Variants in PDE1C observed in about 807,000 individuals in gnomAD.
PDE1C encodes phosphodiesterase 1C, also known as dual specificity calcium/calmodulin-dependent 3',5'-cyclic nucleotide phosphodiesterase 1C.
Under a neutral mutation model 93.1 loss-of-function variants are expected in PDE1C, and 62 were observed. The observed-to-expected ratio is 0.67, with a 90% CI of 0.54 to 0.82. The LOEUF (loss-of-function observed/expected upper bound fraction) is 0.82. PDE1C is among the 40% of genes least tolerant of loss of function. The pLI is 0.00. For missense variants in PDE1C, 742 were observed against 884.6 expected (o/e 0.84, Z 2.04); for synonymous variants, 325 against 310.1 (o/e 1.05, Z -0.50).
At chr7:32,055,696 T>C (rs1584627880) in intron 1 of PDE1C, among the ~76,000 whole-genome samples, 1 of 152,214 alleles carries the variant, frequency 6.6e-6, no homozygotes, top group African/African-American at 2.4e-5. Context: ...TGACTCGCAA[T>C]CTGAAAGACA....
chr7:32,285,363 G>A (rs1282443742), intron 1 of PDE1C, among the ~76,000 whole-genome samples: 2 of 152,128 alleles, frequency 1.3e-5, no homozygotes, highest in East Asian at 3.9e-4. Flanking sequence ...ACCTACCCAA[G>A]AGACTTAAAA....
the PDE1C span, among the ~76,000 whole-genome samples, chr7:31,618,644 T>C: frequency 2.1e-5 from 3 of 140,266 alleles, 1 homozygote; most frequent in South Asian, 6.5e-4. Context: ...GGGGTCACAA[T>C]GTAGAAACCC....
intron 2 of PDE1C, among the ~76,000 whole-genome samples, chr7:31,974,897 T>C (rs1270037831): frequency 2.0e-5 from 3 of 152,246 alleles, no homozygotes; most frequent in African/African-American, 7.2e-5. Flanking sequence ...ATGTGTACAG[T>C]ACAGCTCAAT....
At position 31,809,087 on chromosome 7, in the gene PDE1C, T is replaced by C; in HGVS notation, c.1835A>G (p.Asn612Ser). 2 of 1,592,320 alleles carry C rather than the reference T, an allele frequency of 1.3e-6. No homozygotes were observed. The highest frequency in any genetic ancestry group is 1.7e-6 in the Non-Finnish European group (2 of 1,161,256). The change falls in exon 16 of 18, where the codon AAT (asparagine) becomes AGT (serine). Residue 612 changes from asparagine (N) to serine (S), a missense_variant. Asn to Ser is a conservative substitution (Grantham distance 46). This residue lies in a region of PDE1C where 454 missense variants were observed against 459.4 expected (regional missense o/e 0.99). Transcript: ENST00000396191. ...QQNGDFKDGK[N>S]KTDKKDHSNI... ...AGAGTGATCCTTCTTGTCTGTCTTA[T>C]TTTTACCATCTTTGAAGTCACCTGA...
intron 1 of PDE1C, among the ~76,000 whole-genome samples, chr7:32,374,299 G>GAA (rs1371938513): frequency 2.0e-5 from 3 of 149,592 alleles, no homozygotes; most frequent in East Asian, 1.9e-4. Context: ...AAGAAAGAAA[G>GAA]AAAGAAAGAA....
At chr7:31,774,292 T>TA (rs940423704) in intron 17 of PDE1C, among the ~76,000 whole-genome samples, 5 of 151,912 alleles carry the variant, frequency 3.3e-5, no homozygotes, top group Non-Finnish European at 5.9e-5. Flanking sequence ...GAATTAACAC[T>TA]AAAAAAACTG....
chr7:32,101,858 G>T (rs1471720879), intron 3 of PDE1C, among the ~76,000 whole-genome samples: 2 of 152,176 alleles, frequency 1.3e-5, no homozygotes, highest in African/African-American at 4.8e-5. Flanking sequence ...ATTTGCTTCT[G>T]TGGGGGCCTC....
rs564282120 is a variant in PDE1C, at chr7:31,969,943, G to A, written c.128+81611C>T. The stretch of plus-strand genomic sequence containing the variant: ...CACTCATAGGTGGGAATTGAACAAT[G>A]AGAACTCATGGACACAGGAAGGGGA... On this transcript the variant is annotated intron_variant, in intron 2 of 17. Coordinates refer to ENST00000396191, the MANE Select transcript of PDE1C (RefSeq NM_001191057.4). Among the ~76,000 whole-genome samples, 3 of 152,210 alleles carry A rather than the reference G, an allele frequency of 2.0e-5. No homozygotes were observed. The East Asian group carries it at 5.8e-4, about 29-fold the overall frequency.
At chr7:31,906,137 C>G (rs577257647) in intron 2 of PDE1C, among the ~76,000 whole-genome samples, 1 of 152,128 alleles carries the variant, frequency 6.6e-6, no homozygotes, top group Non-Finnish European at 1.5e-5. Context: ...GCAGTTTCTT[C>G]GAAAATCTTC....
At chr7:31,907,800 G>T (rs1800778467) in intron 2 of PDE1C, among the ~76,000 whole-genome samples, 1 of 152,134 alleles carries the variant, frequency 6.6e-6, no homozygotes, top group African/African-American at 2.4e-5. Flanking sequence ...CTGTGCAGAA[G>T]TTCTTTGGGA....
chr7:32,139,300 CTTTTTTT>C (rs34277412), intron 3 of PDE1C, among the ~76,000 whole-genome samples: 2 of 82,922 alleles, frequency 2.4e-5, no homozygotes, highest in South Asian at 4.6e-4. Context: ...CAAAATCAAC[CTTTTTTT>C]TTTTTTTTTT....
intron 1 of PDE1C, among the ~76,000 whole-genome samples, chr7:32,407,298 A>C (rs1785074733): frequency 6.6e-6 from 1 of 152,176 alleles, no homozygotes; most frequent in African/African-American, 2.4e-5. Context: ...ACCTGGACAG[A>C]GAGAGGAAAA....
Position 31,864,975 on chromosome 7 carries a change from T to C in PDE1C, c.717A>G (p.Thr239=), listed in dbSNP as rs199950505. ...CTGTCTTATAGAGGAGGTAATGCAC[T>C]GTCTGTGTAACATCGGCAGCGTGCA... ...NLMHAADVTQ[T]VHYLLYKTGV... The change falls in exon 7 of 18, where the codon ACA becomes ACG. Residue 239 remains threonine (T), a synonymous_variant. Transcript: ENST00000396191. The C allele has an allele frequency of 1.5e-5, 24 of 1,613,952 alleles. No homozygotes were observed. The highest frequency in any genetic ancestry group is 2.2e-5 in the South Asian group (2 of 91,082).
chr7:32,038,851 A>G (rs1165902768), intron 2 of PDE1C, among the ~76,000 whole-genome samples: 2 of 152,214 alleles, frequency 1.3e-5, no homozygotes, highest in African/African-American at 4.8e-5. Flanking sequence ...ATTCAAAATA[A>G]TGATGCTAAA....
the PDE1C span, among the ~76,000 whole-genome samples, chr7:31,697,358 G>C: frequency 6.6e-6 from 1 of 152,206 alleles, no homozygotes; most frequent in Non-Finnish European, 1.5e-5. Flanking sequence ...AGCAGAGCTG[G>C]TTGAATTCAC....
chr7:31,634,983 C>T, the PDE1C span, among the ~76,000 whole-genome samples: 1 of 152,064 alleles, frequency 6.6e-6, no homozygotes, highest in African/African-American at 2.4e-5. Flanking sequence ...TGGGATTGGC[C>T]AGGCGTGCTG....
chr7:32,070,447 C>A, upstream of PDE1C: 1 of 1,597,016 alleles, frequency 6.3e-7, no homozygotes, highest in Non-Finnish European at 8.5e-7. Flanking sequence ...GGGCTGTCCC[C>A]TCCCCGTCTC....
the PDE1C span, among the ~76,000 whole-genome samples, chr7:31,687,913 G>A: frequency 6.6e-6 from 1 of 152,176 alleles, no homozygotes; most frequent in East Asian, 1.9e-4. Context: ...AATACCGTAT[G>A]GTAAGCTAAG....
chr7:32,255,571 T>C (rs1809730434), intron 1 of PDE1C, among the ~76,000 whole-genome samples: 1 of 152,160 alleles, frequency 6.6e-6, no homozygotes, highest in South Asian at 2.1e-4. Context: ...CTGCACTAAG[T>C]ATCACATTAG....
Sources: allele counts gnomAD v4.1 joint callset (sites outside exome capture counted in the v4.1 genomes callset), GRCh38; gene constraint gnomAD v4.1.1; regional missense constraint gnomAD v4.1.1; transcripts MANE v1.5; gene names NCBI Gene and HGNC (gene_info 2026-07-23, HGNC 2026-07-21).